API5: variants seen among roughly 807,000 people sequenced by gnomAD.
API5 encodes the protein apoptosis inhibitor 5.
In API5, 6 loss-of-function variants were observed where a neutral mutation model predicts 71.9. That is an observed-to-expected ratio of 0.08 (90% CI 0.05 to 0.16). API5 has a LOEUF of 0.16. Among genes scored for constraint, API5 ranks in the 10% least tolerant of loss-of-function variants. The pLI, the probability that API5 is intolerant of heterozygous loss-of-function variation, is 1.00. For missense variants in API5, 332 were observed against 612.8 expected (o/e 0.54, Z 4.84); for synonymous variants, 189 against 221.3 (o/e 0.85, Z 1.30).
intron 4 of API5, 41 bp from the exon 5 acceptor site, chr11:43,321,944 T>C: frequency 6.3e-7 from 1 of 1,579,978 alleles, no homozygotes; most frequent in South Asian, 1.2e-5. Context: ...ACCATTACAC[T>C]ATAGAATTGA....
At chr11:43,330,187 A>G in intron 10 of API5, 129 bp downstream of exon 10, 1 of 743,658 alleles carries the variant, frequency 1.3e-6, no homozygotes, top group Admixed American at 3.1e-5. Flanking sequence ...CTAATGAAAT[A>G]TTTTAGATTT....
At chr11:43,317,588 C>G (rs145075655) in intron 1 of API5, among the ~76,000 whole-genome samples, 5 of 152,260 alleles carry the variant, frequency 3.3e-5, no homozygotes, top group Admixed American at 6.5e-5. Context: ...TTCCCTTCAC[C>G]TTCTTCAAGG....
At chr11:43,338,290 T>C (rs1030965103) in intron 13 of API5, among the ~76,000 whole-genome samples, 5 of 152,174 alleles carry the variant, frequency 3.3e-5, no homozygotes, top group Non-Finnish European at 5.9e-5. Flanking sequence ...TACTAACCAA[T>C]GTCTCTGTTT....
chr11:43,330,022 C>A lies in API5; in HGVS notation c.1185C>A (p.Leu395=), dbSNP rs1434603012. The A allele has an allele frequency of 1.9e-6, 3 of 1,613,764 alleles. No homozygotes were observed. Among genetic ancestry groups the A allele is most frequent in the Non-Finnish European group, 2.5e-6 (3 of 1,179,832 alleles). The change falls in exon 10 of 14, where the codon CTC becomes CTA. Residue 395 remains leucine (L), a synonymous_variant. Coordinates refer to ENST00000531273, the MANE Select transcript of API5 (RefSeq NM_001142930.2). Reference sequence around the variant, plus strand: ...ATATCAGACAACTTCGCTTAGCTCTCCAGGGTAAAACGGGTGAGGCCTTAA... The same window carrying A: ...ATATCAGACAACTTCGCTTAGCTCTACAGGGTAAAACGGGTGAGGCCTTAA... ...QVYIRQLRLA[L]QGKTGEALKT... is the part of the protein sequence containing the mutation.
intron 1 of API5, among the ~76,000 whole-genome samples, chr11:43,315,437 C>T (rs920445973): frequency 2.0e-5 from 3 of 151,916 alleles, no homozygotes; most frequent in Non-Finnish European, 4.4e-5. Flanking sequence ...CTGTACCTTG[C>T]CCTTCAGTAA....
At chr11:43,341,129 CAAAAG>C (rs1490297937) in intron 13 of API5, among the ~76,000 whole-genome samples, 1 of 152,090 alleles carries the variant, frequency 6.6e-6, no homozygotes, top group African/African-American at 2.4e-5. Context: ...AGACATTTCT[CAAAAG>C]AAGACGTACA....
At chr11:43,326,814 C>T (rs1855092448) in intron 7 of API5, among the ~76,000 whole-genome samples, 1 of 152,186 alleles carries the variant, frequency 6.6e-6, no homozygotes, top group African/African-American at 2.4e-5. Context: ...GAAAGCCTTA[C>T]CTGTAGTTTT....
chr11:43,330,820 G>A (rs1855226044), intron 11 of API5, among the ~76,000 whole-genome samples: 1 of 152,186 alleles, frequency 6.6e-6, no homozygotes, highest in Non-Finnish European at 1.5e-5. Flanking sequence ...CATGTGGTAT[G>A]TAGCACAATG....
At position 43,342,622 on chromosome 11, in the gene API5, A is replaced by C. The variant is rs1273821350; in HGVS notation, c.*112A>C. 1 of 1,103,506 alleles carries C rather than the reference A, an allele frequency of 9.1e-7. No individual in the cohort carries two copies. Among genetic ancestry groups the C allele is most frequent in the Non-Finnish European group, 1.4e-6 (1 of 739,690 alleles). The allele number at this position is 1,103,506 out of a possible 1,614,324, so 68.4% of individuals were successfully genotyped here. A position where few individuals can be genotyped will look rare whatever the true frequency, so the allele number is the denominator to read the frequency against. On this transcript the variant is annotated 3_prime_UTR_variant, in exon 14 of 14. Coordinates refer to ENST00000531273, the MANE Select transcript of API5 (RefSeq NM_001142930.2). ...AACAGACTGCTGCCTTCAGCTAAAA[A>C]CTTAATGTTCTTTATACCTTTGTAT...
chr11:43,336,743 T>G (rs1396443023), intron 13 of API5, among the ~76,000 whole-genome samples: 1 of 152,108 alleles, frequency 6.6e-6, no homozygotes, highest in Non-Finnish European at 1.5e-5. Flanking sequence ...GGGCAGTGGC[T>G]CAAGCCTGTA....
chr11:43,330,215 C>G (rs1288041280), intron 10 of API5, 157 bp downstream of exon 10: 1 of 662,820 alleles, frequency 1.5e-6, no homozygotes, highest in African/African-American at 1.8e-5. Flanking sequence ...GTTCCTATAA[C>G]TTAAACTGAT....
In API5 at chr11:43,327,814, G is replaced by A. The variant is rs995256015; in HGVS notation, c.881G>A (p.Ser294Asn). Residue 294 changes from serine (S) to asparagine (N), a missense_variant, in exon 8 of 14, where the codon AGT (serine) becomes AAT (asparagine). Around this residue, in one of 3 missense-constraint regions of API5, gnomAD observed 168 missense variants for 343.9 expected, o/e 0.49. Transcript: ENST00000531273. ...LEVLKLLAEM[S>N]SFCGDMEKLE... ...GTATTGAAATTGTTGGCGGAGATGAGTTCATTTTGTGGTGACATGGAAAAA... is the reference window on the plus strand; with the variant it reads ...GTATTGAAATTGTTGGCGGAGATGAATTCATTTTGTGGTGACATGGAAAAA... 2 of 1,612,210 alleles carry A rather than the reference G, an allele frequency of 1.2e-6. No homozygotes were observed. The highest frequency in any genetic ancestry group is 1.7e-6 in the Non-Finnish European group (2 of 1,179,360).
chr11:43,321,318 C>A, intron 3 of API5, 93 bp from the exon 4 acceptor site: 1 of 1,059,960 alleles, frequency 9.4e-7, no homozygotes, highest in Non-Finnish European at 1.4e-6. Flanking sequence ...GTCAATGTAA[C>A]CTTGAGAAAC....
At chr11:43,320,949 A>G (rs1180455744) in intron 3 of API5, 35 bp downstream of exon 3, 1 of 1,519,304 alleles carries the variant, frequency 6.6e-7, no homozygotes, top group African/African-American at 1.4e-5. Flanking sequence ...TTCTCTAAAT[A>G]TATATCTTCT....
intron 5 of API5, among the ~76,000 whole-genome samples, chr11:43,322,981 A>G (rs925450866): frequency 6.6e-6 from 1 of 152,218 alleles, no homozygotes; most frequent in Non-Finnish European, 1.5e-5. Flanking sequence ...GTATACAACA[A>G]TTACCATATT....
At chr11:43,329,940 A>G in intron 9 of API5, 25 bp from the exon 10 acceptor site, 1 of 1,601,078 alleles carries the variant, frequency 6.2e-7, no homozygotes. Context: ...ATGAATTGCT[A>G]ATTAACAAAT....
rs139429649 is a variant in API5 at position 43,317,483 on chromosome 11, A to G, written c.70-1157A>G. Reference sequence around the variant, plus strand: ...TCTTAATCCAAAATTGTCTGGCTATATGGAGTGAATTGTCATGGCTTTCAT... The same window carrying G: ...TCTTAATCCAAAATTGTCTGGCTATGTGGAGTGAATTGTCATGGCTTTCAT... On this transcript the variant is annotated intron_variant, in intron 1 of 13. Transcript: ENST00000531273. 4.6e-3 allele frequency among the ~76,000 whole-genome samples: 693 copies of G among 152,242 alleles called. 4 individuals are homozygous for G. Among genetic ancestry groups the G allele is most frequent in the African/African-American group, 0.016 (648 of 41,530 alleles).
chr11:43,323,610 A>T lies in API5; in HGVS notation c.724A>T (p.Thr242Ser), dbSNP rs1247558850. 1 of 1,613,904 alleles carries T rather than the reference A, an allele frequency of 6.2e-7. No homozygotes were observed. Residue 242 changes from threonine (T) to serine (S), a missense_variant, in exon 6 of 14, where the codon ACT becomes TCT. Physicochemically the swap from Thr to Ser is moderately conservative, Grantham distance 58 (BLOSUM62 1). This residue lies in a region of API5 where 168 missense variants were observed against 343.9 expected (regional missense o/e 0.49). Transcript: ENST00000531273. ...PDCVDRLLQC[T>S]RQAVPLFSKN... Reference sequence around the variant, plus strand: ...CTGTGTGGACAGGCTCTTACAGTGCACTCGGCAGGCAGTACCCCTCTTCTC... The same window carrying T: ...CTGTGTGGACAGGCTCTTACAGTGCTCTCGGCAGGCAGTACCCCTCTTCTC...
chr11:43,329,798 C>T (rs5743246), intron 9 of API5, among the ~76,000 whole-genome samples, 167 bp from the exon 10 acceptor site: 1,546 of 152,296 alleles, frequency 0.01, 30 homozygotes, highest in African/African-American at 0.035. Context: ...AAGTTTGATA[C>T]TTGATGAAGC....
Sources: allele counts gnomAD v4.1 joint callset (sites outside exome capture counted in the v4.1 genomes callset), GRCh38; gene constraint gnomAD v4.1.1; regional missense constraint gnomAD v4.1.1; transcripts MANE v1.5; gene names NCBI Gene and HGNC (gene_info 2026-07-23, HGNC 2026-07-21).